The following FILIP1L variants were observed in gnomAD, a reference collection of about 807,000 sequenced individuals.
FILIP1L encodes the protein filamin A-interacting protein 1-like.
FILIP1L carries 55 observed loss-of-function variants against 96.6 expected under a neutral mutation model. That is an observed-to-expected ratio of 0.57 (90% CI 0.46 to 0.71). The LOEUF (loss-of-function observed/expected upper bound fraction) is 0.71, where lower values mean the gene tolerates loss of function less well. Ranked by LOEUF, FILIP1L falls within the 30% of genes least tolerant of loss-of-function variation. The pLI, the probability that FILIP1L is intolerant of heterozygous loss-of-function variation, is 0.00. For missense variants in FILIP1L, 1,304 were observed against 1,321.2 expected (o/e 0.99, Z 0.20); for synonymous variants, 467 against 473.9 (o/e 0.99, Z 0.19).
intron 1 of FILIP1L, among the ~76,000 whole-genome samples, chr3:100,066,622 C>G (rs1380185918): frequency 1.0e-5 from 1 of 99,004 alleles, no homozygotes; most frequent in Non-Finnish European, 2.3e-5. Flanking sequence ...AGCTCCGCCT[C>G]CCGGGTTCAC....
At chr3:99,936,466 C>T (rs1487313405) in intron 1 of FILIP1L, among the ~76,000 whole-genome samples, 3 of 137,902 alleles carry the variant, frequency 2.2e-5, no homozygotes, top group Non-Finnish European at 3.1e-5. Flanking sequence ...ACCTCCACCT[C>T]CTGGGTTCAA....
chr3:99,878,784 C>T (rs902309368), intron 4 of FILIP1L, among the ~76,000 whole-genome samples: 3 of 152,200 alleles, frequency 2.0e-5, no homozygotes, highest in Admixed American at 6.5e-5. Flanking sequence ...TACAAGAGTA[C>T]CCTGGGTGGT....
intron 4 of FILIP1L, among the ~76,000 whole-genome samples, chr3:99,887,281 G>T (rs948236355): frequency 1.3e-5 from 2 of 151,756 alleles, no homozygotes; most frequent in Non-Finnish European, 2.9e-5. Flanking sequence ...AAAAAAAAAA[G>T]TATCAGGCTT....
At chr3:99,873,515 T>C (rs1559670538) in intron 4 of FILIP1L, among the ~76,000 whole-genome samples, 1 of 152,230 alleles carries the variant, frequency 6.6e-6, no homozygotes, top group African/African-American at 2.4e-5. Flanking sequence ...ATGTTTTTTT[T>C]CTATTCACCT....
intron 4 of FILIP1L, among the ~76,000 whole-genome samples, chr3:99,864,634 C>G (rs1271115534): frequency 1.3e-5 from 2 of 152,044 alleles, no homozygotes; most frequent in South Asian, 4.2e-4. Flanking sequence ...TTCATTTGTT[C>G]ATTCCCATGC....
chr3:100,017,140 C>A (rs985915421), intron 1 of FILIP1L, among the ~76,000 whole-genome samples: 1 of 152,134 alleles, frequency 6.6e-6, no homozygotes, highest in Non-Finnish European at 1.5e-5. Flanking sequence ...AAATGTTTGT[C>A]ATCAAAAATC....
At chr3:100,020,283 TA>T (rs1306428137) in intron 1 of FILIP1L, among the ~76,000 whole-genome samples, 1 of 152,222 alleles carries the variant, frequency 6.6e-6, no homozygotes, top group African/African-American at 2.4e-5. Context: ...GCAGATTTTC[TA>T]AAAGCTGTAT....
chr3:99,946,265 T>C (rs1240188354), intron 1 of FILIP1L, among the ~76,000 whole-genome samples: 4 of 152,188 alleles, frequency 2.6e-5, no homozygotes, highest in Admixed American at 2.6e-4. Flanking sequence ...TGCTTTAAAG[T>C]TTTCTGAATT....
Position 99,940,804 on chromosome 3 carries a change from T to G in FILIP1L, c.-10-9774A>C, listed in dbSNP as rs955101178. On this transcript the variant is annotated intron_variant, in intron 1 of 5. Transcript: ENST00000477258. Reference sequence around the variant, plus strand: ...TCTTGCCTAGGCCAACCCAGCCTAATAAGGACCTTGAGGTAAACAGGTGAT... The same window carrying G: ...TCTTGCCTAGGCCAACCCAGCCTAAGAAGGACCTTGAGGTAAACAGGTGAT... Among the ~76,000 whole-genome samples, 21 of 152,254 alleles carry G rather than the reference T, an allele frequency of 1.4e-4. 1 individual carries two copies. Among genetic ancestry groups the G allele is most frequent in the African/African-American group, 4.6e-4 (19 of 41,474 alleles).
intron 1 of FILIP1L, among the ~76,000 whole-genome samples, chr3:100,085,441 G>GA (rs2107415851): frequency 6.6e-6 from 1 of 152,258 alleles, no homozygotes; most frequent in African/African-American, 2.4e-5. Flanking sequence ...TTGGGACTAT[G>GA]CTTTCTCCAA....
chr3:99,991,862 G>A (rs1158685570), intron 1 of FILIP1L, among the ~76,000 whole-genome samples: 2 of 147,520 alleles, frequency 1.4e-5, no homozygotes, highest in Non-Finnish European at 3.0e-5. Context: ...GTGTGTATGT[G>A]TATATATATA....
At chr3:100,036,726 A>G (rs1337465854) in intron 1 of FILIP1L, among the ~76,000 whole-genome samples, 2 of 152,182 alleles carry the variant, frequency 1.3e-5, no homozygotes, top group Non-Finnish European at 2.9e-5. Flanking sequence ...AGAATTTTCC[A>G]CAAATTACTT....
intron 1 of FILIP1L, among the ~76,000 whole-genome samples, chr3:100,010,778 A>ATTTTTTTTTTTT (rs11371196): frequency 3.4e-4 from 32 of 93,664 alleles, no homozygotes; most frequent in African/African-American, 5.3e-4. Context: ...CCACGCCCGG[A>ATTTTTTTTTTTT]TTTTTTTTTT....
intron 3 of FILIP1L, chr3:99,925,902 C>T (rs561510718): frequency 3.0e-6 from 3 of 985,128 alleles, no homozygotes; most frequent in South Asian, 4.7e-5. Flanking sequence ...TTGCCCAGCA[C>T]GGGGTAAGCT....
intron 5 of FILIP1L, among the ~76,000 whole-genome samples, chr3:99,837,071 A>G (rs1414873028): frequency 1.3e-5 from 2 of 152,240 alleles, no homozygotes; most frequent in Non-Finnish European, 2.9e-5. Flanking sequence ...CTTAGAAGCT[A>G]TAATCAGCAG....
intron 5 of FILIP1L, among the ~76,000 whole-genome samples, chr3:99,831,155 T>G (rs1942657065): frequency 6.6e-6 from 1 of 152,224 alleles, no homozygotes; most frequent in Non-Finnish European, 1.5e-5. Context: ...TTTATAATGA[T>G]GAAAAATGGA....
Position 99,830,613 on chromosome 3 carries a change from TAAAC to T in FILIP1L, c.3382-12_3382-9del, listed in dbSNP as rs1032225434. ...CTTGCATACCTCCTTGATCTTGAAT[TAAAC>T]AAGAGAACAAAAGGTAATTAATGGT... On this transcript the variant is annotated splice_polypyrimidine_tract_variant and intron_variant, in intron 5 of 5. Transcript: ENST00000477258. The T allele has an allele frequency of 6.6e-6, 3 of 456,360 alleles. No individual in the cohort carries two copies. The highest frequency in any genetic ancestry group is 2.4e-5 in the Admixed American group (1 of 42,538). The allele number at this position is 456,360 out of a possible 1,614,324, so 28.3% of individuals were successfully genotyped here. A position where few individuals can be genotyped will look rare whatever the true frequency, so the allele number is the denominator to read the frequency against.
At chr3:99,961,615 T>C (rs564420614) in intron 1 of FILIP1L, among the ~76,000 whole-genome samples, 463 of 152,310 alleles carry the variant, frequency 3.0e-3, no homozygotes, top group African/African-American at 0.011. Flanking sequence ...TTTGGGGAGC[T>C]GGAAAGGCTC....
At chr3:100,084,329 CAT>C (rs2065974130) in intron 1 of FILIP1L, among the ~76,000 whole-genome samples, 1 of 152,138 alleles carries the variant, frequency 6.6e-6, no homozygotes, top group Non-Finnish European at 1.5e-5. Flanking sequence ...ATGCTACCCA[CAT>C]AAAAATATGC....
Sources: gnomAD v4.1 joint callset for allele counts (sites outside exome capture counted in the v4.1 genomes callset) on GRCh38, gnomAD v4.1.1 for gene constraint, MANE v1.5 for transcripts, NCBI Gene and HGNC (gene_info 2026-07-23, HGNC 2026-07-21) for gene names.